The following PTPRK variants were observed in gnomAD, a reference collection of about 807,000 sequenced individuals.
The protein encoded by PTPRK is protein tyrosine phosphatase receptor type K.
Under a neutral mutation model 178.0 loss-of-function variants are expected in PTPRK, and 75 were observed. That is an observed-to-expected ratio of 0.42 (90% CI 0.35 to 0.51). The LOEUF (loss-of-function observed/expected upper bound fraction) is 0.51, where lower values mean the gene tolerates loss of function less well. Among genes scored for constraint, PTPRK ranks in the 20% least tolerant of loss-of-function variants. The pLI, the probability that PTPRK is intolerant of heterozygous loss-of-function variation, is 0.02. For synonymous variants in PTPRK, 637 were observed against 620.6 expected (o/e 1.03, Z -0.39); for missense variants, 1,441 against 1,797.8 (o/e 0.80, Z 3.59).
chr6:128,230,384 CA>C (rs1395168300), intron 5 of PTPRK, among the ~76,000 whole-genome samples: 1 of 151,880 alleles, frequency 6.6e-6, no homozygotes, highest in Non-Finnish European at 1.5e-5. Flanking sequence ...TATATAACTG[CA>C]AAAAAACTAC....
At chr6:128,487,659 T>C (rs1853148076) in intron 1 of PTPRK, among the ~76,000 whole-genome samples, 1 of 152,056 alleles carries the variant, frequency 6.6e-6, no homozygotes, top group Admixed American at 6.6e-5. Context: ...AATGATCTAA[T>C]AGTAACAGAG....
chr6:128,153,859 A>T lies in PTPRK; in HGVS notation c.1162+30573T>A, dbSNP rs150168826. ...TGGTCTTTTCCCCTGAAATATTAAA[A>T]TAGCTAAAAAGGCTTTTATACTATC... On this transcript the variant is annotated intron_variant, in intron 7 of 29. Coordinates refer to ENST00000368226, the MANE Select transcript of PTPRK (RefSeq NM_002844.4). Among the ~76,000 whole-genome samples, 101 of 152,106 alleles carry T rather than the reference A, an allele frequency of 6.6e-4. No homozygotes were observed. The East Asian group carries it at 0.015, about 22-fold the overall frequency.
intron 2 of PTPRK, among the ~76,000 whole-genome samples, chr6:128,376,475 C>G (rs890317164): frequency 6.6e-6 from 1 of 152,180 alleles, no homozygotes. Context: ...TTGGGTCCGA[C>G]TCACAAAACC....
chr6:128,175,824 T>G (rs948432615), intron 7 of PTPRK, among the ~76,000 whole-genome samples: 1 of 151,822 alleles, frequency 6.6e-6, no homozygotes, highest in African/African-American at 2.4e-5. Context: ...ATATGGGACT[T>G]CCAGCAAGGG....
At chr6:128,349,845 T>C (rs1278279456) in intron 2 of PTPRK, among the ~76,000 whole-genome samples, 4 of 152,108 alleles carry the variant, frequency 2.6e-5, no homozygotes, top group Non-Finnish European at 5.9e-5. Context: ...GGAAACTCTT[T>C]AATGATTATA....
intron 13 of PTPRK, among the ~76,000 whole-genome samples, chr6:128,058,496 CTT>C (rs1458080642): frequency 4.6e-5 from 7 of 152,010 alleles, no homozygotes; most frequent in African/African-American, 9.7e-5. Flanking sequence ...TGGATTGTCT[CTT>C]GTCTCCTCAC....
At chr6:128,003,487 A>T (rs1778071431) in intron 15 of PTPRK, among the ~76,000 whole-genome samples, 1 of 151,988 alleles carries the variant, frequency 6.6e-6, no homozygotes, top group Admixed American at 6.6e-5. Flanking sequence ...ACATTAAAAA[A>T]TTAAAGAAAA....
At chr6:128,498,839 T>C (rs2128435726) in intron 1 of PTPRK, among the ~76,000 whole-genome samples, 1 of 152,302 alleles carries the variant, frequency 6.6e-6, no homozygotes, top group East Asian at 1.9e-4. Context: ...CTAGCTATTT[T>C]CAATTACTGA....
chr6:128,477,274 A>G (rs1283275256), intron 1 of PTPRK, among the ~76,000 whole-genome samples: 1 of 152,076 alleles, frequency 6.6e-6, no homozygotes, highest in East Asian at 1.9e-4. Flanking sequence ...CATTATTTTC[A>G]TGGTTGCATT....
chr6:127,976,901 A>G (rs1394946293), intron 26 of PTPRK, 22 bp downstream of exon 26: 1 of 1,613,706 alleles, frequency 6.2e-7, no homozygotes, highest in Non-Finnish European at 8.5e-7. Context: ...TAAGTACATA[A>G]AAGCAATCCA....
chr6:128,355,713 G>C (rs150615267), intron 2 of PTPRK, among the ~76,000 whole-genome samples: 1,932 of 152,214 alleles, frequency 0.013, 42 homozygotes, highest in African/African-American at 0.044. Context: ...GAGTTAATGG[G>C]TGCAGCACAC....
intron 1 of PTPRK, among the ~76,000 whole-genome samples, chr6:128,495,396 T>C (rs1269963302): frequency 6.6e-6 from 1 of 152,162 alleles, no homozygotes; most frequent in East Asian, 1.9e-4. Context: ...AGGAATTATG[T>C]GAACTGTAAG....
intron 3 of PTPRK, among the ~76,000 whole-genome samples, chr6:128,254,375 T>G (rs2128290480): frequency 6.6e-6 from 1 of 152,214 alleles, no homozygotes; most frequent in South Asian, 2.1e-4. Context: ...TTGAAAAATA[T>G]TTACGAAGAG....
At chr6:128,335,441 C>CAA (rs10585655) in intron 2 of PTPRK, among the ~76,000 whole-genome samples, 1 of 109,796 alleles carries the variant, frequency 9.1e-6, no homozygotes, top group East Asian at 2.6e-4. Flanking sequence ...GGAATGATAA[C>CAA]AAAAAAAAAA....
chr6:128,208,298 CAAA>C (rs3058186), intron 6 of PTPRK, among the ~76,000 whole-genome samples: 3 of 105,038 alleles, frequency 2.9e-5, no homozygotes, highest in Non-Finnish European at 4.2e-5. Flanking sequence ...CCTACACCCT[CAAA>C]AAAAAAAAAA....
intron 7 of PTPRK, among the ~76,000 whole-genome samples, chr6:128,169,134 T>G (rs992897826): frequency 6.6e-6 from 1 of 152,010 alleles, no homozygotes; most frequent in Non-Finnish European, 1.5e-5. Context: ...CAGACAAAAA[T>G]GTACAGCATG....
intron 2 of PTPRK, among the ~76,000 whole-genome samples, chr6:128,360,766 T>C (rs939831434): frequency 6.6e-6 from 1 of 152,122 alleles, no homozygotes; most frequent in Admixed American, 6.5e-5. Flanking sequence ...AACTAAAAAG[T>C]GTAGGGTGGC....
intron 1 of PTPRK, among the ~76,000 whole-genome samples, chr6:128,449,244 T>G (rs1847448414): frequency 6.6e-6 from 1 of 152,174 alleles, no homozygotes; most frequent in Non-Finnish European, 1.5e-5. Flanking sequence ...TGGAAAGGGC[T>G]TCACAAATCT....
intron 1 of PTPRK, among the ~76,000 whole-genome samples, chr6:128,506,611 G>A (rs866984601): frequency 1.5e-5 from 2 of 131,228 alleles, no homozygotes; most frequent in Middle Eastern, 5.4e-3. Flanking sequence ...AGAGAGCTAT[G>A]TTCACACCAC....
Sources: allele counts gnomAD v4.1 joint callset (sites outside exome capture counted in the v4.1 genomes callset), GRCh38; gene constraint gnomAD v4.1.1; transcripts MANE v1.5; gene names NCBI Gene and HGNC (gene_info 2026-07-23, HGNC 2026-07-21).